The following TAB2 variants were observed in gnomAD, a reference collection of about 807,000 sequenced individuals.
TAB2 encodes the protein TGF-beta activated kinase 1 (MAP3K7) binding protein 2.
Under a neutral mutation model 65.0 loss-of-function variants are expected in TAB2, and 3 were observed. The ratio of observed to expected loss-of-function variants is 0.05; its 90% CI spans 0.02 to 0.12. TAB2 has a LOEUF of 0.12. Among genes scored for constraint, TAB2 ranks in the 10% least tolerant of loss-of-function variants. The pLI is 1.00. For missense variants in TAB2, 623 were observed against 840.3 expected, an observed-to-expected ratio of 0.74 and a Z score of 3.20; for synonymous variants, 298 against 285.1, an observed-to-expected ratio of 1.05 and a Z score of -0.46.
At chr6:149,290,387 T>C (rs1025210768) in intron 1 of TAB2, among the ~76,000 whole-genome samples, 5 of 152,308 alleles carry the variant, frequency 3.3e-5, no homozygotes, top group East Asian at 3.9e-4. Flanking sequence ...GCACATTCTC[T>C]ATTTTCCCTG....
intron 5 of TAB2, 62 bp from the exon 6 acceptor site, chr6:149,399,042 T>C (rs1782274569): frequency 3.5e-6 from 5 of 1,418,986 alleles, no homozygotes; most frequent in African/African-American, 1.4e-5. Context: ...AATACTTGTT[T>C]TAAAAAGTAA....
At chr6:149,277,501 C>A (rs1778497627) in intron 1 of TAB2, among the ~76,000 whole-genome samples, 1 of 151,898 alleles carries the variant, frequency 6.6e-6, no homozygotes, top group African/African-American at 2.4e-5. Flanking sequence ...TGTTAAAGTG[C>A]TTGGAAAGAC....
chr6:149,308,945 G>T (rs1779118665), intron 1 of TAB2, among the ~76,000 whole-genome samples: 1 of 152,000 alleles, frequency 6.6e-6, no homozygotes, highest in African/African-American at 2.4e-5. Context: ...TAAGTTCCAT[G>T]AGGGCCAGAC....
intron 1 of TAB2, among the ~76,000 whole-genome samples, chr6:149,310,457 A>C (rs1005101287): frequency 6.6e-6 from 1 of 152,128 alleles, no homozygotes; most frequent in Non-Finnish European, 1.5e-5. Context: ...CTTTCAATAG[A>C]CTTTTTAGAT....
Position 149,378,879 on chromosome 6 carries a change from C to A in TAB2, c.964C>A (p.Arg322=). Residue 322 remains arginine (R), a synonymous_variant, in exon 3 of 7, where the codon CGA becomes AGA. Transcript: ENST00000637181. ...YNIQNISTGP[R]KNQIEIKLEP... The stretch of plus-strand genomic sequence containing the variant: ...CATTCAGAATATTTCAACAGGACCT[C>A]GAAAAAACCAGATTGAAATCAAACT... 1.9e-6 allele frequency: 3 copies of A among 1,614,078 alleles called. No homozygotes were observed. Among genetic ancestry groups the A allele is most frequent in the Non-Finnish European group, 2.5e-6 (3 of 1,180,026 alleles).
intron 1 of TAB2, among the ~76,000 whole-genome samples, chr6:149,287,287 G>A (rs1348328657): frequency 6.6e-6 from 1 of 152,116 alleles, no homozygotes; most frequent in Non-Finnish European, 1.5e-5. Context: ...TCTACATTGA[G>A]CATGTATTAC....
chr6:149,228,207 C>T (rs538845183), intron 1 of TAB2, among the ~76,000 whole-genome samples: 2 of 152,208 alleles, frequency 1.3e-5, no homozygotes, highest in African/African-American at 2.4e-5. Context: ...CCATTTCTCC[C>T]GCATTTACAA....
intron 6 of TAB2, among the ~76,000 whole-genome samples, chr6:149,399,605 T>C (rs1782300538): frequency 6.6e-6 from 1 of 151,656 alleles, no homozygotes; most frequent in African/African-American, 2.4e-5. Flanking sequence ...TCCAGGTGAA[T>C]AGTTTTCTAC....
intron 2 of TAB2, among the ~76,000 whole-genome samples, chr6:149,373,754 A>C (rs1326883579): frequency 2.0e-5 from 3 of 152,196 alleles, no homozygotes; most frequent in African/African-American, 7.2e-5. Flanking sequence ...CCACCTTCTA[A>C]AAACTCATAT....
chr6:149,397,838 C>CT (rs2058379703), intron 4 of TAB2, 74 bp downstream of exon 4: 14 of 1,589,490 alleles, frequency 8.8e-6, no homozygotes, highest in Middle Eastern at 2.2e-4. Context: ...TGTAATATCT[C>CT]TATCTAGTTT....
intron 4 of TAB2, 25 bp from the exon 5 acceptor site, chr6:149,397,944 T>G: frequency 1.2e-6 from 2 of 1,607,042 alleles, no homozygotes; most frequent in Non-Finnish European, 1.7e-6. Context: ...AGTGCAAATC[T>G]TACTTACATA....
chr6:149,274,574 TC>T (rs2114678857), intron 1 of TAB2, among the ~76,000 whole-genome samples: 1 of 152,304 alleles, frequency 6.6e-6, no homozygotes, highest in South Asian at 2.1e-4. Context: ...GCAAGATAAT[TC>T]CCTTTCTTTT....
intron 1 of TAB2, chr6:149,218,788 AAC>A: frequency 2.2e-6 from 1 of 456,026 alleles, no homozygotes. Context: ...TAAGGCAGGA[AAC>A]AGTCATTGTT....
At chr6:149,234,176 A>T (rs1777454493) in intron 1 of TAB2, among the ~76,000 whole-genome samples, 1 of 152,192 alleles carries the variant, frequency 6.6e-6, no homozygotes, top group African/African-American at 2.4e-5. Context: ...TTTCAATAAC[A>T]TTTTTAAGAT....
chr6:149,409,377 A>G (rs1562459373), intron 6 of TAB2, among the ~76,000 whole-genome samples, 200 bp from the exon 7 acceptor site: 1 of 152,056 alleles, frequency 6.6e-6, no homozygotes, highest in Non-Finnish European at 1.5e-5. Flanking sequence ...CATCATGTTC[A>G]TGTTGTATTT....
At chr6:149,382,243 C>CT (rs1229388278) in intron 3 of TAB2, among the ~76,000 whole-genome samples, 1 of 152,148 alleles carries the variant, frequency 6.6e-6, no homozygotes, top group African/African-American at 2.4e-5. Context: ...ATTTTTTAGA[C>CT]TAAAACATTG....
chr6:149,294,464 A>T (rs888477688), intron 1 of TAB2, among the ~76,000 whole-genome samples: 3 of 152,230 alleles, frequency 2.0e-5, no homozygotes, highest in Admixed American at 2.0e-4. Context: ...ATTCTGAGAT[A>T]CTGAGGGTTA....
chr6:149,305,222 G>C (rs978683574), intron 1 of TAB2, among the ~76,000 whole-genome samples: 1 of 152,192 alleles, frequency 6.6e-6, no homozygotes, highest in Non-Finnish European at 1.5e-5. Flanking sequence ...GTCATGGATA[G>C]AATGTCTTTC....
chr6:149,262,255 G>A (rs12111446), intron 1 of TAB2, among the ~76,000 whole-genome samples: 1,952 of 152,270 alleles, frequency 0.013, 40 homozygotes, highest in African/African-American at 0.044. Context: ...AAATGCTGCC[G>A]GGCATGATGG....
Sources: allele counts gnomAD v4.1 joint callset (sites outside exome capture counted in the v4.1 genomes callset), GRCh38; gene constraint gnomAD v4.1.1; transcripts MANE v1.5; gene names NCBI Gene and HGNC (gene_info 2026-07-23, HGNC 2026-07-21).